Variants in L2HGDH observed in about 807,000 individuals in gnomAD.
The protein encoded by L2HGDH is L-2-hydroxyglutarate dehydrogenase.
Under a neutral mutation model 51.5 loss-of-function variants are expected in L2HGDH, and 34 were observed. The ratio of observed to expected loss-of-function variants is 0.66; its 90% confidence interval spans 0.50 to 0.88. L2HGDH has a LOEUF of 0.88. Ranked by LOEUF, L2HGDH falls within the 40% of genes least tolerant of loss-of-function variation. The pLI is 0.00. For synonymous variants in L2HGDH, 198 were observed against 197.9 expected, an observed-to-expected ratio of 1.00 and a Z score of -0.01; for missense variants, 558 against 571.9, an observed-to-expected ratio of 0.98 and a Z score of 0.25.
rs1461606009 is a variant in L2HGDH at position 50,267,850 on chromosome 14, T to C, written c.967A>G (p.Ile323Val). Reference protein sequence around the residue: ...VHFTPRMDGSIWLGPNAVLAF... With the variant: ...VHFTPRMDGSVWLGPNAVLAF... ...AGAACTGCATTAGGCCCTAGCCAAA[T>C]ACTGCCATCCATCCTTGGTGTGAAG... Residue 323 changes from isoleucine (I) to valine (V), a missense_variant, in exon 8 of 10, where the codon ATT (isoleucine) becomes GTT (valine). Coordinates refer to ENST00000267436, the MANE Select transcript of L2HGDH (RefSeq NM_024884.3). 6.2e-7 allele frequency: 1 copy of C among 1,614,116 alleles called. No individual in the cohort carries two copies. The highest frequency in any genetic ancestry group is 8.5e-7 in the Non-Finnish European group (1 of 1,179,956).
At chr14:50,301,926 G>A (rs1417745188) in intron 3 of L2HGDH, 91 bp downstream of exon 3, 15 of 1,331,740 alleles carry the variant, frequency 1.1e-5, no homozygotes, top group Non-Finnish European at 1.6e-5. Flanking sequence ...TAGATACAAA[G>A]AAAAAAATAC....
At chr14:50,253,206 T>G (rs1048357297) in intron 9 of L2HGDH, among the ~76,000 whole-genome samples, 8 of 152,080 alleles carry the variant, frequency 5.3e-5, no homozygotes, top group African/African-American at 1.9e-4. Flanking sequence ...TTAAAAAGCT[T>G]TTGCACAGCA....
At chr14:50,269,749 A>G (rs896142498) in intron 6 of L2HGDH, among the ~76,000 whole-genome samples, 6 of 152,130 alleles carry the variant, frequency 3.9e-5, no homozygotes, top group Admixed American at 6.6e-5. Context: ...CCCACCCCAC[A>G]GCTTTTAATT....
At chr14:50,293,681 C>CA (rs1424039725) in intron 4 of L2HGDH, among the ~76,000 whole-genome samples, 1 of 152,162 alleles carries the variant, frequency 6.6e-6, no homozygotes, top group Non-Finnish European at 1.5e-5. Flanking sequence ...TCGTATAGAT[C>CA]AGACACTACA....
chr14:50,310,601 G>A (rs1390551607), intron 1 of L2HGDH, among the ~76,000 whole-genome samples: 1 of 152,058 alleles, frequency 6.6e-6, no homozygotes, highest in Non-Finnish European at 1.5e-5. Context: ...GGGGAGGGGG[G>A]CTGAGGAGGG....
chr14:50,306,127 T>C (rs1277299608), intron 1 of L2HGDH, among the ~76,000 whole-genome samples: 1 of 151,764 alleles, frequency 6.6e-6, no homozygotes, highest in Non-Finnish European at 1.5e-5. Flanking sequence ...CTCGGCTCAC[T>C]GCAACCTCCA....
At chr14:50,279,252 C>A (rs544936757) in intron 5 of L2HGDH, among the ~76,000 whole-genome samples, 1 of 152,320 alleles carries the variant, frequency 6.6e-6, no homozygotes, top group Non-Finnish European at 1.5e-5. Flanking sequence ...AAGAACAGAA[C>A]ACTACTTTTT....
At chr14:50,302,297 G>C (rs2030458612) in intron 2 of L2HGDH, 129 bp from the exon 3 acceptor site, 3 of 943,826 alleles carry the variant, frequency 3.2e-6, no homozygotes, top group Admixed American at 1.8e-5. Context: ...AATTTGTTCA[G>C]ATCACTGGTA....
At chr14:50,308,380 C>A (rs1318474162) in intron 1 of L2HGDH, among the ~76,000 whole-genome samples, 1 of 116,002 alleles carries the variant, frequency 8.6e-6, no homozygotes, top group African/African-American at 3.6e-5. Context: ...AGGCGAAACT[C>A]CATCTCAGAA....
chr14:50,280,682 A>T (rs894115984), intron 5 of L2HGDH, among the ~76,000 whole-genome samples: 1 of 151,992 alleles, frequency 6.6e-6, no homozygotes, highest in Non-Finnish European at 1.5e-5. Context: ...TTAAAAAAAA[A>T]TTTTTATGTT....
intron 8 of L2HGDH, among the ~76,000 whole-genome samples, chr14:50,266,468 C>T (rs1165215367): frequency 6.6e-6 from 1 of 152,038 alleles, no homozygotes; most frequent in Non-Finnish European, 1.5e-5. Flanking sequence ...CATGGCGAAA[C>T]CCTGTCTCTA....
chr14:50,284,481 A>ATT (rs11460377), intron 4 of L2HGDH, among the ~76,000 whole-genome samples: 5 of 151,928 alleles, frequency 3.3e-5, no homozygotes, highest in South Asian at 4.1e-4. Context: ...AATAGCCTGG[A>ATT]TTTTTTTGTT....
At chr14:50,259,914 GTC>G (rs954242726) in intron 9 of L2HGDH, among the ~76,000 whole-genome samples, 1 of 141,550 alleles carries the variant, frequency 7.1e-6, no homozygotes, top group Non-Finnish European at 1.5e-5. Context: ...CTGATTTTTA[GTC>G]TCTCTAATTT....
At chr14:50,261,974 C>G (rs1889050506) in intron 9 of L2HGDH, among the ~76,000 whole-genome samples, 1 of 152,124 alleles carries the variant, frequency 6.6e-6, no homozygotes, top group Non-Finnish European at 1.5e-5. Flanking sequence ...TTTAAGGACA[C>G]CATCCTGGGA....
At chr14:50,259,985 C>CAGAGAGAGAGAGAGAGAG (rs34001223) in intron 9 of L2HGDH, among the ~76,000 whole-genome samples, 1 of 142,370 alleles carries the variant, frequency 7.0e-6, no homozygotes, top group African/African-American at 2.6e-5. Flanking sequence ...GAGAAGAAGA[C>CAGAGAGAGAGAGAGAGAG]AGAGAGAGAG....
At chr14:50,311,362 T>C (rs974738135) in intron 1 of L2HGDH, 1 of 456,114 alleles carries the variant, frequency 2.2e-6, no homozygotes. Context: ...CACACTCATA[T>C]GGCCCACCTT....
intron 5 of L2HGDH, among the ~76,000 whole-genome samples, chr14:50,282,715 G>C (rs1276426232): frequency 6.6e-6 from 1 of 152,148 alleles, no homozygotes; most frequent in East Asian, 1.9e-4. Flanking sequence ...AGTCAAATGA[G>C]TTAATACTTG....
At chr14:50,286,933 T>A (rs111900186) in intron 4 of L2HGDH, among the ~76,000 whole-genome samples, 3 of 152,322 alleles carry the variant, frequency 2.0e-5, no homozygotes, top group African/African-American at 7.2e-5. Context: ...TTGACAGCCA[T>A]GCCTTATTCA....
intron 9 of L2HGDH, among the ~76,000 whole-genome samples, chr14:50,255,201 C>T (rs1595067167): frequency 1.3e-5 from 2 of 151,950 alleles, no homozygotes; most frequent in African/African-American, 4.8e-5. Context: ...ATTACATATG[C>T]TTTCCCCTCA....
Sources: gnomAD v4.1 joint callset for allele counts (sites outside exome capture counted in the v4.1 genomes callset) on GRCh38, gnomAD v4.1.1 for gene constraint, MANE v1.5 for transcripts, NCBI Gene and HGNC (gene_info 2026-07-23, HGNC 2026-07-21) for gene names.